Variants in DMD observed in about 807,000 individuals in gnomAD.
DMD encodes the protein dystrophin, also known as mutant dystrophin.
Under a neutral mutation model 330.1 loss-of-function variants are expected in DMD, and 63 were observed. The ratio of observed to expected loss-of-function variants is 0.19; its 90% CI spans 0.16 to 0.24. The LOEUF (loss-of-function observed/expected upper bound fraction) is 0.24, where lower values mean the gene tolerates loss of function less well. DMD is among the 10% of genes least tolerant of loss of function. The pLI is 1.00. For synonymous variants in DMD, 1,223 were observed against 959.8 expected (o/e 1.27, Z -5.07); for missense variants, 3,344 against 2,684.1 (o/e 1.25, Z -5.43).
In DMD at chrX:31,161,788, C is replaced by T. The variant is rs188558231; in HGVS notation, c.10553+7655G>A. Among the ~76,000 whole-genome samples, 228 of 111,455 alleles carry T rather than the reference C, an allele frequency of 2.0e-3. 1 individual carries two copies. Among genetic ancestry groups the T allele is most frequent in the Non-Finnish European group, 3.8e-3 (203 of 53,071 alleles). On this transcript the variant is annotated intron_variant, in intron 74 of 78. Transcript: ENST00000357033. ...TCAGTTATTTTTCTCAATCCTCCCC[C>T]CCGTCAAAAAGCCATCACTGTTCAC...
chrX:32,331,492 T>A (rs12688397), intron 41 of DMD, among the ~76,000 whole-genome samples: 3 of 111,838 alleles, frequency 2.7e-5, no homozygotes, highest in Non-Finnish European at 5.7e-5. Context: ...GAAAAATATA[T>A]TAATCATAGA....
intron 44 of DMD, among the ~76,000 whole-genome samples, chrX:32,075,910 G>C (rs1032119657): frequency 9.3e-6 from 1 of 107,229 alleles, no homozygotes; most frequent in Admixed American, 1.0e-4. Flanking sequence ...TTAGCCAGGC[G>C]TGGTGGCAGA....
intron 49 of DMD, among the ~76,000 whole-genome samples, chrX:31,830,718 A>C (rs2093006491): frequency 8.9e-6 from 1 of 112,113 alleles, no homozygotes; most frequent in African/African-American, 3.2e-5. Context: ...GAACGTGAAA[A>C]ATAGCTCTGC....
At chrX:33,026,358 A>T (rs1405572739) in intron 1 of DMD, among the ~76,000 whole-genome samples, 1 of 105,188 alleles carries the variant, frequency 9.5e-6, no homozygotes, top group Non-Finnish European at 1.9e-5. Flanking sequence ...GAAAGAAAAG[A>T]AAATAAAGAA....
At chrX:32,659,798 C>T (rs1230743903) in intron 9 of DMD, among the ~76,000 whole-genome samples, 3 of 110,764 alleles carry the variant, frequency 2.7e-5, no homozygotes, top group African/African-American at 6.6e-5. Context: ...ATTTCACTTA[C>T]TGCCTTCTTC....
At chrX:32,922,118 C>A (rs1193479527) in intron 2 of DMD, among the ~76,000 whole-genome samples, 2 of 110,283 alleles carry the variant, frequency 1.8e-5, no homozygotes, top group African/African-American at 6.6e-5. Flanking sequence ...AAAAGGCTCC[C>A]CCAAAGGACT....
At chrX:32,483,162 T>C (rs867177127) in intron 21 of DMD, among the ~76,000 whole-genome samples, 3 of 83,740 alleles carry the variant, frequency 3.6e-5, no homozygotes, top group Admixed American at 2.9e-4. Flanking sequence ...TATATATATA[T>C]ATACACCATA....
chrX:32,936,235 C>T (rs997097182), intron 2 of DMD, among the ~76,000 whole-genome samples: 5 of 109,844 alleles, frequency 4.6e-5, no homozygotes, highest in Admixed American at 9.7e-5. Context: ...CCTCAGACTC[C>T]GGAGTAGCTG....
At chrX:32,709,880 T>C (rs1008821641) in intron 7 of DMD, among the ~76,000 whole-genome samples, 1 of 111,825 alleles carries the variant, frequency 8.9e-6, no homozygotes, top group African/African-American at 3.2e-5. Flanking sequence ...TAGATTGTTT[T>C]ACCAATGACT....
chrX:31,781,652 T>C (rs2091016777), intron 50 of DMD, among the ~76,000 whole-genome samples: 1 of 111,907 alleles, frequency 8.9e-6, no homozygotes, highest in Admixed American at 9.5e-5. Flanking sequence ...TAACTAACAT[T>C]ATATGAATTC....
intron 55 of DMD, among the ~76,000 whole-genome samples, chrX:31,562,177 G>A (rs1370032523): frequency 8.9e-6 from 1 of 112,142 alleles, no homozygotes; most frequent in Non-Finnish European, 1.9e-5. Flanking sequence ...ATTCTGGGAT[G>A]CCCAAATAAT....
intron 1 of DMD, among the ~76,000 whole-genome samples, chrX:33,082,342 C>G (rs73452071): frequency 0.03 from 3,410 of 111,977 alleles, 123 homozygotes; most frequent in African/African-American, 0.11. Flanking sequence ...CCAAAGGAAA[C>G]CTCCTAGGTG....
chrX:31,931,508 T>G (rs1159267077), intron 46 of DMD, among the ~76,000 whole-genome samples: 1 of 110,515 alleles, frequency 9.0e-6, no homozygotes, highest in Non-Finnish European at 1.9e-5. Context: ...ACAAATCAGC[T>G]AAAACAAAAC....
At position 31,802,937 on chromosome X, in the gene DMD, AGAGT is replaced by A. The variant is rs775759109; in HGVS notation, c.7309+17034_7309+17037del. ...TAGGAAGCAAGAATGAAAAACCAAAAGAGTGAGACAGAGGGGGAGGAAATGCCAA... is the reference window on the plus strand; with the variant it reads ...TAGGAAGCAAGAATGAAAAACCAAAAGAGACAGAGGGGGAGGAAATGCCAA... On this transcript the variant is annotated intron_variant, in intron 50 of 78. Transcript: ENST00000357033. Among the ~76,000 whole-genome samples, 153 of 111,884 alleles carry A rather than the reference AGAGT, an allele frequency of 1.4e-3. 6 individuals carry two copies. The East Asian group carries it at 0.021, about 15-fold the overall frequency.
chrX:32,645,212 C>G (rs2059706781), intron 9 of DMD, 60 bp from the exon 10 acceptor site: 16 of 1,117,599 alleles, frequency 1.4e-5, no homozygotes, highest in Non-Finnish European at 1.8e-5. Flanking sequence ...TGTTCCAGTA[C>G]ATTAAATGAT....
intron 9 of DMD, among the ~76,000 whole-genome samples, chrX:32,677,078 G>A (rs2062022040): frequency 1.8e-5 from 2 of 110,713 alleles, no homozygotes; most frequent in South Asian, 7.5e-4. Flanking sequence ...TAATTTCACT[G>A]ACAAATGAAA....
intron 44 of DMD, among the ~76,000 whole-genome samples, chrX:32,127,305 T>C (rs1030459860): frequency 1.8e-5 from 2 of 111,784 alleles, no homozygotes; most frequent in Non-Finnish European, 3.8e-5. Context: ...GGGCTTACAA[T>C]TGTGAACATG....
At position 32,987,985 on chromosome X, in the gene DMD, G is replaced by GTATATA. The variant is rs753957415; in HGVS notation, c.93+32148_93+32153dup. Among the ~76,000 whole-genome samples the GTATATA allele has an allele frequency of 3.1e-3, 335 of 107,893 alleles. 1 individual carries two copies. The highest frequency in any genetic ancestry group is 0.011 in the African/African-American group (314 of 29,551). The allele number at this position is 107,893 out of a possible 115,157, so 93.7% of individuals were successfully genotyped here. On this transcript the variant is annotated intron_variant, in intron 2 of 78. Transcript: ENST00000357033. ...GAAAATCATATATACATATATATGT[G>GTATATA]TATATATATATATAAAATCACACAC...
chrX:31,564,090 G>T (rs760204840), intron 55 of DMD, among the ~76,000 whole-genome samples: 3 of 111,060 alleles, frequency 2.7e-5, no homozygotes, highest in African/African-American at 9.8e-5. Context: ...ACCAAAGATT[G>T]CCAACAAACC....
Sources: allele counts gnomAD v4.1 joint callset (sites outside exome capture counted in the v4.1 genomes callset), GRCh38; gene constraint gnomAD v4.1.1; transcripts MANE v1.5; gene names NCBI Gene and HGNC (gene_info 2026-07-23, HGNC 2026-07-21).